NDRG2: variants seen among roughly 807,000 people sequenced by gnomAD.
NDRG2 encodes NDRG family member 2.
A neutral mutation model predicts 58.2 loss-of-function variants in NDRG2; 34 were observed. That is an observed-to-expected ratio of 0.58 (90% CI 0.44 to 0.78). The LOEUF is 0.78. NDRG2 is among the 30% of genes least tolerant of loss of function. The pLI is 0.00. For synonymous variants in NDRG2, 187 were observed against 175.9 expected, an observed-to-expected ratio of 1.06 and a Z score of -0.50; for missense variants, 434 against 471.2, an observed-to-expected ratio of 0.92 and a Z score of 0.73.
chr14:21,022,343 C>T, intron 4 of NDRG2, 49 bp downstream of exon 4: 4 of 1,586,806 alleles, frequency 2.5e-6, no homozygotes, highest in Non-Finnish European at 3.5e-6. Flanking sequence ...CTACCCTTCC[C>T]CCACAGCCTC....
At chr14:21,025,686 CTT>C, upstream of NDRG2, 1 of 982,264 alleles carries the variant, frequency 1.0e-6, no homozygotes, top group Non-Finnish European at 1.2e-6. The surrounding 1 kb of genome is among the most constrained non-coding windows in gnomAD (Gnocchi z 5.1). Flanking sequence ...CCTCTCCTCT[CTT>C]TGCTGCGTCC....
Position 21,024,103 on chromosome 14 carries a change from A to G in NDRG2, c.-80T>C. The G allele has an allele frequency of 1.0e-6, 1 of 985,442 alleles. No homozygotes were observed. Among genetic ancestry groups the G allele is most frequent in the South Asian group, 4.7e-5 (1 of 21,284 alleles). The allele number at this position is 985,442 out of a possible 1,614,324, so 61.0% of individuals were successfully genotyped here. On this transcript the variant is annotated 5_prime_UTR_variant, in exon 1 of 16. Transcript: ENST00000556147. ...CTCCTTCTGACTCTGGGGTCTGAGA[A>G]AACACAGCAACGAGGTGAATGACAT...
chr14:21,057,403 T>C (rs963250891), intron 1 of NDRG2, among the ~76,000 whole-genome samples: 3 of 150,276 alleles, frequency 2.0e-5, no homozygotes, highest in Admixed American at 6.6e-5. Flanking sequence ...GCCATTGCAC[T>C]CCAGCATGGG....
intron 1 of NDRG2, among the ~76,000 whole-genome samples, chr14:21,057,309 G>C (rs1885717274): frequency 6.6e-6 from 1 of 152,060 alleles, no homozygotes; most frequent in Non-Finnish European, 1.5e-5. Flanking sequence ...GGTGGTGCAT[G>C]CCTGTAATCC....
intron 1 of NDRG2, among the ~76,000 whole-genome samples, chr14:21,061,569 G>A (rs1388446771): frequency 6.6e-6 from 1 of 151,718 alleles, no homozygotes; most frequent in African/African-American, 2.4e-5. Context: ...ATCTCTACTG[G>A]GTGTGTTCTC....
At chr14:21,065,169 C>CAA (rs56361526) in intron 1 of NDRG2, among the ~76,000 whole-genome samples, 4 of 135,274 alleles carry the variant, frequency 3.0e-5, no homozygotes, top group South Asian at 2.4e-4. Context: ...AACTCCATCT[C>CAA]AAAAAAAAAA....
chr14:21,021,370 C>A, intron 6 of NDRG2: 1 of 330,730 alleles, frequency 3.0e-6, no homozygotes, highest in Non-Finnish European at 5.9e-6. Context: ...CAGCACCTCC[C>A]TCTGAATACC....
chr14:21,018,717 G>C (rs1197235485), intron 12 of NDRG2, 46 bp downstream of exon 12: 2 of 1,612,310 alleles, frequency 1.2e-6, no homozygotes, highest in Admixed American at 1.7e-5. Context: ...CACCACTTTA[G>C]GACCCCAACC....
At chr14:21,043,324 T>G in intron 1 of NDRG2, 1 of 1,614,050 alleles carries the variant, frequency 6.2e-7, no homozygotes, top group Non-Finnish European at 8.5e-7. Context: ...ATGTGTAAGC[T>G]CACCTCAGGG....
At position 21,018,528 on chromosome 14, in the gene NDRG2, G is replaced by T. The variant is rs187310408; in HGVS notation, c.814-24C>A. ...ACCTGGAGTAAGCAGGAGGCTGAAT[G>T]AATGAGGTCACGCCCACTGTGGCGC... On this transcript the variant is annotated intron_variant, in intron 12 of 15. Coordinates refer to ENST00000556147, the MANE Select transcript of NDRG2 (RefSeq NM_001320329.2). The T allele has an allele frequency of 2.7e-5, 43 of 1,613,126 alleles. No individual in the cohort carries two copies. The African/African-American group carries it at 4.9e-4, about 19-fold the overall frequency.
chr14:21,064,144 A>G (rs1324727742), intron 1 of NDRG2, among the ~76,000 whole-genome samples: 1 of 152,222 alleles, frequency 6.6e-6, no homozygotes, highest in Non-Finnish European at 1.5e-5. Context: ...TCCATTTTGT[A>G]AAATATGTCG....
At chr14:21,049,984 T>A (rs1258907140) in intron 1 of NDRG2, among the ~76,000 whole-genome samples, 6 of 151,964 alleles carry the variant, frequency 3.9e-5, no homozygotes, top group Non-Finnish European at 7.4e-5. Flanking sequence ...ACCATGTTGG[T>A]CAGGCTGCTC....
intron 1 of NDRG2, chr14:21,030,955 C>A (rs1884062084): frequency 6.4e-7 from 1 of 1,560,994 alleles, no homozygotes. Flanking sequence ...AGAGTTGGAC[C>A]TTGGAAGGTA....
chr14:21,070,757 G>A lies in NDRG2; in HGVS notation c.24+71C>T, dbSNP rs1198447080. The A allele has an allele frequency of 1.3e-6, 2 of 1,484,498 alleles. No individual in the cohort carries two copies. Among genetic ancestry groups the A allele is most frequent in the Non-Finnish European group, 1.8e-6 (2 of 1,101,340 alleles). The allele number at this position is 1,484,498 out of a possible 1,614,324, so 92.0% of individuals were successfully genotyped here. The stretch of plus-strand genomic sequence containing the variant: ...CTCCTGGTCCGAGCTCCTTACCCGC[G>A]GGAGACCCCTGCGGGTTGGTCCTGC... On this transcript the variant is annotated intron_variant, in intron 1 of 14. Coordinates refer to the NDRG2 transcript ENST00000403829. The surrounding 1 kb of genome is among the most constrained non-coding windows in gnomAD (Gnocchi z 4.7).
In NDRG2 at chr14:21,018,830, T is replaced by C; in HGVS notation, c.762-16A>G. The C allele has an allele frequency of 6.2e-7, 1 of 1,614,054 alleles. No homozygotes were observed. Among genetic ancestry groups the C allele is most frequent in the Non-Finnish European group, 8.5e-7 (1 of 1,179,992 alleles). On this transcript the variant is annotated splice_polypyrimidine_tract_variant and intron_variant, in intron 11 of 15. Coordinates refer to ENST00000556147, the MANE Select transcript of NDRG2 (RefSeq NM_001320329.2). ...CACAGGACACCTAAAGACACAGTGTTGGGGAGAAGGCAGTGAGCCCCTGGC... is the reference window on the plus strand; with the variant it reads ...CACAGGACACCTAAAGACACAGTGTCGGGGAGAAGGCAGTGAGCCCCTGGC...
Position 21,045,080 on chromosome 14 carries a change from C to T in NDRG2, c.25-21759G>A, listed in dbSNP as rs141971196. ...CCCCAAGTACTGACAGGTGTTAGAT[C>T]ATAACTAGTAGTAGCAATATCCATC... On this transcript the variant is annotated intron_variant, in intron 1 of 14. Coordinates refer to the NDRG2 transcript ENST00000403829. Among the ~76,000 whole-genome samples the T allele has an allele frequency of 1.5e-3, 232 of 152,304 alleles. 1 individual carries two copies. Among genetic ancestry groups the T allele is most frequent in the Non-Finnish European group, 2.5e-3 (171 of 68,036 alleles).
At chr14:21,031,825 A>G in intron 1 of NDRG2, 2 of 1,535,562 alleles carry the variant, frequency 1.3e-6, no homozygotes, top group African/African-American at 1.4e-5. Flanking sequence ...ATCTCGGGCC[A>G]TCTTTGGGGA....
chr14:21,032,692 C>T (rs1884307953), intron 1 of NDRG2: 2 of 354,008 alleles, frequency 5.6e-6, no homozygotes, highest in Non-Finnish European at 1.1e-5. Flanking sequence ...GCACATGGGA[C>T]AGAAGAGCTT....
At chr14:21,043,346 C>T (rs763804219) in intron 1 of NDRG2, 2 of 1,614,196 alleles carry the variant, frequency 1.2e-6, no homozygotes, top group South Asian at 2.2e-5. Flanking sequence ...AGCATCCGAA[C>T]TGCAGGTACA....
Sources: gnomAD v4.1 joint callset for allele counts (sites outside exome capture counted in the v4.1 genomes callset) on GRCh38, gnomAD v4.1.1 for gene constraint, Gnocchi (gnomAD v3.1) non-coding constraint, MANE v1.5 for transcripts, NCBI Gene and HGNC (gene_info 2026-07-23, HGNC 2026-07-21) for gene names.